SASH1: variants seen among roughly 807,000 people sequenced by gnomAD.
The protein encoded by SASH1 is SAM and SH3 domain containing 1, also known as SAM and SH3 domain-containing protein 1.
Under a neutral mutation model 125.2 loss-of-function variants are expected in SASH1, and 44 were observed. That is an observed-to-expected ratio of 0.35 (90% CI 0.28 to 0.45). The LOEUF is 0.45. Among genes scored for constraint, SASH1 ranks in the 20% least tolerant of loss-of-function variants. The pLI, the probability that SASH1 is intolerant of heterozygous loss-of-function variation, is 1.00. For missense variants in SASH1, 1,426 were observed against 1,614.5 expected, an observed-to-expected ratio of 0.88 and a Z score of 2.00; for synonymous variants, 639 against 649.1, an observed-to-expected ratio of 0.98 and a Z score of 0.24.
At chr6:148,399,214 C>CTTTTTTTTTTTTTTTTTT (rs371374910) in intron 2 of SASH1, among the ~76,000 whole-genome samples, 66 of 106,664 alleles carry the variant, frequency 6.2e-4, no homozygotes, top group Non-Finnish European at 9.8e-4. Flanking sequence ...ATTTCAGCTT[C>CTTTTTTTTTTTTTTTTTT]TTTTTTTTTT....
chr6:148,205,448 G>A, the SASH1 span, among the ~76,000 whole-genome samples: 11 of 152,088 alleles, frequency 7.2e-5, no homozygotes, highest in Admixed American at 1.3e-4. Flanking sequence ...GTATTTAGGG[G>A]TTGCATTATG....
chr6:148,540,297 T>C (rs1486814061), intron 16 of SASH1, 146 bp from the exon 17 acceptor site: 4 of 626,762 alleles, frequency 6.4e-6, no homozygotes, highest in African/African-American at 5.5e-5. Context: ...ATCACACTAG[T>C]TCATTTTGAT....
Position 148,290,707 on chromosome 6 carries a change from T to G in SASH1, n.74+18330T>G, listed in dbSNP as rs548252624. Among the ~76,000 whole-genome samples, 144 of 142,212 alleles carry G rather than the reference T, an allele frequency of 1.0e-3. 1 individual carries two copies. Among genetic ancestry groups the G allele is most frequent in the Middle Eastern group, 3.5e-3 (1 of 286 alleles). 93.3% of individuals were successfully genotyped at this position (142,212 alleles called of 152,430 possible). A position where few individuals can be genotyped will look rare whatever the true frequency, so the allele number is the denominator to read the frequency against. ...GTCATCACCACTCCCTAATCTCAAG[T>G]ACCCAGGGACACAAACACTGCGGAA... On this transcript the variant is annotated intron_variant and non_coding_transcript_variant, in intron 1 of 3. Coordinates refer to the SASH1 transcript ENST00000367469.
intron 1 of SASH1, among the ~76,000 whole-genome samples, chr6:148,326,379 C>CTTTTT (rs1780825464): frequency 2.9e-5 from 1 of 34,492 alleles, no homozygotes; most frequent in Non-Finnish European, 5.2e-5. Flanking sequence ...TATATACATT[C>CTTTTT]TTTTCTTTTC....
the SASH1 span, among the ~76,000 whole-genome samples, chr6:148,253,571 TG>T: frequency 6.6e-6 from 1 of 151,880 alleles, no homozygotes; most frequent in African/African-American, 2.4e-5. Context: ...CTAAAACCTT[TG>T]TACTTTAAAA....
chr6:148,535,765 G>A (rs73589310), intron 16 of SASH1, among the ~76,000 whole-genome samples: 2,674 of 152,262 alleles, frequency 0.018, 90 homozygotes, highest in African/African-American at 0.061. Flanking sequence ...TCTTAAAGGA[G>A]TATCCTTTCC....
At chr6:148,381,550 T>C (rs993452539) in intron 1 of SASH1, among the ~76,000 whole-genome samples, 104 of 149,256 alleles carry the variant, frequency 7.0e-4, no homozygotes, top group African/African-American at 2.5e-3. Context: ...GGTTCTAAAA[T>C]AGAGACAGTG....
chr6:148,401,681 G>A (rs1379519019), intron 2 of SASH1, among the ~76,000 whole-genome samples: 1 of 152,154 alleles, frequency 6.6e-6, no homozygotes, highest in Non-Finnish European at 1.5e-5. Context: ...CATCTCATGG[G>A]CCCCAGCAGA....
intron 4 of SASH1, among the ~76,000 whole-genome samples, chr6:148,455,496 G>A (rs1370571409): frequency 2.0e-5 from 3 of 152,130 alleles, no homozygotes; most frequent in African/African-American, 7.2e-5. Context: ...GGGGAAGGAC[G>A]TGAAGTCATC....
chr6:148,488,984 G>A (rs1324217816), intron 8 of SASH1, among the ~76,000 whole-genome samples: 1 of 152,112 alleles, frequency 6.6e-6, no homozygotes, highest in Non-Finnish European at 1.5e-5. Context: ...GAAATCTAGT[G>A]TGTCTATTTG....
chr6:148,423,329 G>GA (rs1473569568), intron 2 of SASH1, among the ~76,000 whole-genome samples: 1 of 152,194 alleles, frequency 6.6e-6, no homozygotes, highest in African/African-American at 2.4e-5. Context: ...GATGATTTCA[G>GA]AATGTATTGG....
intron 1 of SASH1, among the ~76,000 whole-genome samples, chr6:148,311,015 G>A (rs945239183): frequency 1.2e-4 from 19 of 152,158 alleles, no homozygotes; most frequent in Non-Finnish European, 2.5e-4. Context: ...CTGGGCTCAA[G>A]TGATCCTCCG....
intron 1 of SASH1, among the ~76,000 whole-genome samples, chr6:148,298,110 G>A (rs568338443): frequency 9.3e-5 from 14 of 151,132 alleles, no homozygotes; most frequent in South Asian, 2.1e-4. Context: ...GGGTTCAAGC[G>A]ATTCTCCTGC....
At chr6:148,440,269 T>G in intron 3 of SASH1, 35 bp downstream of exon 3, 1 of 1,612,492 alleles carries the variant, frequency 6.2e-7, no homozygotes, top group Non-Finnish European at 8.5e-7. Context: ...TAGTTTTGCT[T>G]CTGCCTTTTT....
At chr6:148,458,312 G>T (rs1357027548) in intron 4 of SASH1, among the ~76,000 whole-genome samples, 1 of 152,178 alleles carries the variant, frequency 6.6e-6, no homozygotes. Context: ...TCACGATAAA[G>T]TTCTAGTATT....
rs10710533 is a variant in SASH1 at position 148,514,458 on chromosome 6, TAAAAAAAAAAAAAA to T, written c.862+17_862+30del. ...AAATGAAAAAACCCAGCACTGAAGG[TAAAAAAAAAAAAAA>T]AAAAAAAAAAAAAAGGCAGACTCCA... On this transcript the variant is annotated splice_donor_5th_base_variant and intron_variant, in intron 9 of 19. Transcript: ENST00000367467. 1.1e-4 allele frequency: 63 copies of T among 573,318 alleles called. No individual in the cohort carries two copies. Among genetic ancestry groups the T allele is most frequent in the African/African-American group, 3.4e-4 (6 of 17,874 alleles). The allele number at this position is 573,318 out of a possible 1,614,324, so 35.5% of individuals were successfully genotyped here. A position where few individuals can be genotyped will look rare whatever the true frequency, so the allele number is the denominator to read the frequency against.
chr6:148,335,722 C>T (rs1781135172), intron 1 of SASH1, among the ~76,000 whole-genome samples: 1 of 152,038 alleles, frequency 6.6e-6, no homozygotes, highest in Admixed American at 6.6e-5. Context: ...AGTAGGTTTT[C>T]CATAAATGAT....
chr6:148,527,730 T>G, intron 12 of SASH1, 134 bp downstream of exon 12: 1 of 852,278 alleles, frequency 1.2e-6, no homozygotes, highest in East Asian at 2.7e-5. Context: ...CCGTGCTTTA[T>G]TTACGTAGAG....
chr6:148,336,697 T>G (rs1256535391), intron 1 of SASH1, among the ~76,000 whole-genome samples: 1 of 152,172 alleles, frequency 6.6e-6, no homozygotes, highest in African/African-American at 2.4e-5. Flanking sequence ...ACAATTGCCT[T>G]ATTTGATTGA....
Sources: gnomAD v4.1 joint callset for allele counts (sites outside exome capture counted in the v4.1 genomes callset) on GRCh38, gnomAD v4.1.1 for gene constraint, MANE v1.5 for transcripts, NCBI Gene and HGNC (gene_info 2026-07-23, HGNC 2026-07-21) for gene names.